PREP: variants seen among roughly 807,000 people sequenced by gnomAD.
PREP encodes prolyl endopeptidase.
PREP carries 29 observed loss-of-function variants against 87.6 expected under a neutral mutation model. The observed-to-expected ratio is 0.33, with a 90% confidence interval of 0.25 to 0.45. The LOEUF is 0.45. Ranked by LOEUF, PREP falls within the 20% of genes least tolerant of loss-of-function variation. PREP has a pLI of 1.00. For synonymous variants in PREP, 337 were observed against 328.6 expected, an observed-to-expected ratio of 1.03 and a Z score of -0.28; for missense variants, 695 against 886.5, an observed-to-expected ratio of 0.78 and a Z score of 2.74.
intron 10 of PREP, among the ~76,000 whole-genome samples, chr6:105,320,930 A>G (rs1179984310): frequency 6.6e-6 from 1 of 152,228 alleles, no homozygotes; most frequent in Non-Finnish European, 1.5e-5. Flanking sequence ...CAACACTGCC[A>G]AGAGCCTAAT....
chr6:105,300,593 T>A (rs1421407268), intron 10 of PREP, among the ~76,000 whole-genome samples: 12 of 151,692 alleles, frequency 7.9e-5, no homozygotes, highest in Admixed American at 7.9e-4. Context: ...AGATAAGAAC[T>A]CACAGATCCT....
chr6:105,293,213 C>T (rs547955783), intron 10 of PREP, among the ~76,000 whole-genome samples: 40 of 152,318 alleles, frequency 2.6e-4, no homozygotes, highest in African/African-American at 9.6e-4. Flanking sequence ...TTAACCCTTT[C>T]TGGCTTTGAC....
intron 10 of PREP, among the ~76,000 whole-genome samples, chr6:105,292,623 T>C (rs1413099340): frequency 1.3e-5 from 2 of 152,204 alleles, no homozygotes; most frequent in African/African-American, 2.4e-5. Flanking sequence ...GCTTAGCCCC[T>C]AAGAAGAAAG....
At chr6:105,344,686 G>T (rs532938433) in intron 7 of PREP, among the ~76,000 whole-genome samples, 2 of 152,190 alleles carry the variant, frequency 1.3e-5, no homozygotes, top group South Asian at 2.1e-4. Context: ...GTCGTGGGGT[G>T]GGGGAGGCGG....
At chr6:105,300,406 A>G (rs1383235130) in intron 10 of PREP, among the ~76,000 whole-genome samples, 2 of 152,204 alleles carry the variant, frequency 1.3e-5, no homozygotes, top group Non-Finnish European at 2.9e-5. Flanking sequence ...CATTCTACCA[A>G]AAAAATTCCA....
intron 6 of PREP, among the ~76,000 whole-genome samples, chr6:105,365,525 G>A (rs12199694): frequency 0.051 from 7,690 of 152,222 alleles, 278 homozygotes; most frequent in South Asian, 0.15. Flanking sequence ...CTTCTGAGGC[G>A]TCACAGCAGC....
rs191545871 is a variant in PREP at position 105,310,188 on chromosome 6, C to T, written c.1317+13477G>A. Among the ~76,000 whole-genome samples the T allele has an allele frequency of 2.4e-4, 37 of 152,216 alleles. 1 individual carries two copies. The highest frequency in any genetic ancestry group is 8.4e-4 in the African/African-American group (35 of 41,536). On this transcript the variant is annotated intron_variant, in intron 10 of 14. Transcript: ENST00000652536. ...TTAAAAGTCAGAGATGCGTGATTAA[C>T]GTAGCCAGGGATTGTATTTTTCTTA...
At chr6:105,363,473 CTA>C (rs1232431484) in intron 6 of PREP, among the ~76,000 whole-genome samples, 1 of 152,130 alleles carries the variant, frequency 6.6e-6, no homozygotes, top group African/African-American at 2.4e-5. Context: ...GCCTCACAGT[CTA>C]TATTAAATAA....
chr6:105,332,409 A>G (rs905298460), intron 8 of PREP, among the ~76,000 whole-genome samples: 1 of 152,060 alleles, frequency 6.6e-6, no homozygotes, highest in Non-Finnish European at 1.5e-5. Flanking sequence ...GATCTGCCTG[A>G]CTCTAAGACC....
At position 105,346,120 on chromosome 6, in the gene PREP, A is replaced by G. The variant is rs1268479329; in HGVS notation, c.823+6852T>C. 2.0e-5 allele frequency among the ~76,000 whole-genome samples: 3 copies of G among 151,414 alleles called. No homozygotes were observed. The East Asian group carries it at 5.8e-4, about 29-fold the overall frequency. The stretch of plus-strand genomic sequence containing the variant: ...ACTCTGACACACAGATTTCCTACAA[A>G]CTCCCTGTCTTCTCTCTGAGGCCCT... On this transcript the variant is annotated intron_variant, in intron 7 of 14. Transcript: ENST00000652536.
chr6:105,391,787 A>T (rs1773155500), intron 2 of PREP, among the ~76,000 whole-genome samples: 2 of 152,230 alleles, frequency 1.3e-5, no homozygotes, highest in South Asian at 4.1e-4. Flanking sequence ...GAGCTAAGGC[A>T]AAGTGTGGGG....
intron 2 of PREP, among the ~76,000 whole-genome samples, chr6:105,388,494 G>T (rs1292343921): frequency 6.6e-6 from 1 of 151,004 alleles, no homozygotes; most frequent in African/African-American, 2.4e-5. Flanking sequence ...GGGGGGTGGG[G>T]GTGGGGAGAA....
intron 6 of PREP, among the ~76,000 whole-genome samples, chr6:105,363,504 A>G (rs1268933031): frequency 1.3e-5 from 2 of 152,174 alleles, no homozygotes; most frequent in African/African-American, 4.8e-5. Flanking sequence ...TCTGCCCATC[A>G]AAGCCCAATG....
chr6:105,282,383 C>T (rs1770102525), intron 13 of PREP, 68 bp downstream of exon 13: 14 of 1,543,600 alleles, frequency 9.1e-6, no homozygotes, highest in Non-Finnish European at 1.2e-5. Flanking sequence ...GAGCTGCCTA[C>T]AGATGGTGTA....
intron 7 of PREP, 80 bp from the exon 8 acceptor site, chr6:105,333,585 G>T: frequency 7.3e-7 from 1 of 1,372,018 alleles, no homozygotes; most frequent in Non-Finnish European, 1.0e-6. Flanking sequence ...GGGGAGGGTG[G>T]ATCTTTCTTA....
chr6:105,311,333 C>T (rs986583010), intron 10 of PREP, among the ~76,000 whole-genome samples: 6 of 152,316 alleles, frequency 3.9e-5, no homozygotes, highest in South Asian at 2.1e-4. Context: ...CTGCCTTCCC[C>T]CTGCCCTTCA....
chr6:105,331,944 C>T (rs1483347498), intron 8 of PREP, among the ~76,000 whole-genome samples: 1 of 152,086 alleles, frequency 6.6e-6, no homozygotes, highest in Non-Finnish European at 1.5e-5. Context: ...CTGATCCAAA[C>T]CTGCAAGTTA....
At chr6:105,332,288 C>T (rs547495039) in intron 8 of PREP, among the ~76,000 whole-genome samples, 1 of 152,192 alleles carries the variant, frequency 6.6e-6, no homozygotes, top group African/African-American at 2.4e-5. Flanking sequence ...GAATCAGCTG[C>T]TCCCCTGCCA....
intron 7 of PREP, among the ~76,000 whole-genome samples, chr6:105,337,513 C>G (rs955919335): frequency 8.5e-5 from 13 of 152,188 alleles, no homozygotes; most frequent in Non-Finnish European, 1.8e-4. Context: ...TTACTGTTCA[C>G]TCCCCATCCC....
Sources: allele counts gnomAD v4.1 joint callset (sites outside exome capture counted in the v4.1 genomes callset), GRCh38; gene constraint gnomAD v4.1.1; transcripts MANE v1.5; gene names NCBI Gene and HGNC (gene_info 2026-07-23, HGNC 2026-07-21).